ZCCHC14: variants seen among roughly 807,000 people sequenced by gnomAD.
ZCCHC14 encodes the protein zinc finger CCHC domain-containing protein 14.
Under a neutral mutation model 85.0 loss-of-function variants are expected in ZCCHC14, and 16 were observed. That is an observed-to-expected ratio of 0.19 (90% CI 0.13 to 0.29). ZCCHC14 has a LOEUF of 0.29. ZCCHC14 is among the 10% of genes least tolerant of loss of function. The probability of loss-of-function intolerance (pLI) is 1.00; values close to 1 mark genes in which losing one functional copy is unlikely to be tolerated. For synonymous variants in ZCCHC14, 775 were observed against 630.7 expected (o/e 1.23, Z -3.43); for missense variants, 1,303 against 1,443.5 (o/e 0.90, Z 1.58).
chr16:87,417,393 T>C lies in ZCCHC14; in HGVS notation c.1383+67A>G, dbSNP rs8045148. Reference sequence around the variant, plus strand: ...ACCTTGTGTTGGTTTGGAAACTCAATGCCCCCAGGGAGGTCTTGAGTAAAC... The same window carrying C: ...ACCTTGTGTTGGTTTGGAAACTCAACGCCCCCAGGGAGGTCTTGAGTAAAC... On this transcript the variant is annotated intron_variant, in intron 8 of 12. Transcript: ENST00000671377. 27,957 of 1,561,084 alleles carry C rather than the reference T, an allele frequency of 0.018. 3,872 individuals are homozygous for C. The African/African-American group carries it at 0.32, about 18-fold the overall frequency.
At position 87,483,589 on chromosome 16, in the gene ZCCHC14, G is replaced by A. The variant is rs1369639962; in HGVS notation, c.570+8080C>T. Among the ~76,000 whole-genome samples, 4 of 152,194 alleles carry A rather than the reference G, an allele frequency of 2.6e-5. No individual in the cohort carries two copies. In the South Asian group the frequency reaches 6.2e-4, roughly 24 times the overall value. ...CAAATATCAATGAAATCGTTTACTT[G>A]AAACAATATTCAACCTTTATCAACT... is the stretch of plus-strand genomic sequence containing the variant. On this transcript the variant is annotated intron_variant, in intron 1 of 12. Coordinates refer to ENST00000671377, the MANE Select transcript of ZCCHC14 (RefSeq NM_015144.3).
intron 2 of ZCCHC14, among the ~76,000 whole-genome samples, chr16:87,456,640 G>A (rs1910984124): frequency 6.6e-6 from 1 of 150,612 alleles, no homozygotes; most frequent in African/African-American, 2.4e-5. Context: ...TTTGGAGTTT[G>A]GTCTTTAGCT....
chr16:87,426,201 G>A (rs1010512730), intron 3 of ZCCHC14, among the ~76,000 whole-genome samples: 4 of 152,162 alleles, frequency 2.6e-5, no homozygotes, highest in African/African-American at 9.7e-5. Flanking sequence ...TACCTCACCT[G>A]CCGACTTGCC....
chr16:87,427,020 C>T (rs1909406736), intron 3 of ZCCHC14, among the ~76,000 whole-genome samples: 1 of 152,216 alleles, frequency 6.6e-6, no homozygotes, highest in Non-Finnish European at 1.5e-5. Context: ...CTCGCGTGCA[C>T]GCCAGAGGAG....
At chr16:87,419,056 A>G (rs935988708) in intron 6 of ZCCHC14, among the ~76,000 whole-genome samples, 155 bp from the exon 7 acceptor site, 1 of 152,104 alleles carries the variant, frequency 6.6e-6, no homozygotes, top group Admixed American at 6.5e-5. Flanking sequence ...TCCCGGGTTC[A>G]AGTGATTCTC....
Position 87,491,421 on chromosome 16 carries a change from C to T in ZCCHC14, c.570+248G>A, listed in dbSNP as rs534937059. On this transcript the variant is annotated intron_variant, in intron 1 of 12. Transcript: ENST00000671377. The surrounding 1 kb of genome is among the most constrained non-coding windows in gnomAD (Gnocchi z 5.9). ...TACGGCGGAGGCTTGGGATGTACGG[C>T]GGAGGCTTGGGATGTACGGTGGAGG... Among the ~76,000 whole-genome samples the T allele has an allele frequency of 6.8e-6, 1 of 146,280 alleles. No individual in the cohort carries two copies. Among genetic ancestry groups the T allele is most frequent in the African/African-American group, 2.7e-5 (1 of 36,918 alleles).
intron 6 of ZCCHC14, 136 bp from the exon 7 acceptor site, chr16:87,419,037 A>T: frequency 1.4e-6 from 1 of 740,522 alleles, no homozygotes. Context: ...GCTCACTGCA[A>T]CCTCTGCCTC....
At chr16:87,489,120 A>G (rs1335149432) in intron 1 of ZCCHC14, among the ~76,000 whole-genome samples, 5 of 152,260 alleles carry the variant, frequency 3.3e-5, no homozygotes, top group Non-Finnish European at 7.3e-5. Flanking sequence ...TCCAAGCAAT[A>G]AAGGGTTCAT....
Position 87,491,551 on chromosome 16 carries a change from GCT to G in ZCCHC14, c.570+116_570+117del. On this transcript the variant is annotated intron_variant, in intron 1 of 12. Transcript: ENST00000671377. The surrounding 1 kb of genome is among the most constrained non-coding windows in gnomAD (Gnocchi z 5.9). ...GTGCAGGTTGGAGACCTGGGTGGGA[GCT>G]CTCAGTGCAGGCTGGAGGCGTGGGT... is the stretch of plus-strand genomic sequence containing the variant. 1.1e-6 allele frequency: 1 copy of G among 922,842 alleles called. No individual in the cohort carries two copies. Among genetic ancestry groups the G allele is most frequent in the Non-Finnish European group, 1.5e-6 (1 of 686,990 alleles). 57.2% of individuals were successfully genotyped at this position (922,842 alleles called of 1,614,324 possible).
rs1483919452 is a variant in ZCCHC14, at chr16:87,492,263, CCCGGGG to C, written c.-31_-26del. ...TGCTGCCGCCCGCGCCGCGCCGCGA[CCCGGGG>C]CCGGGGACCGCGCGGGGGCGGCCGG... On this transcript the variant is annotated 5_prime_UTR_variant, in exon 1 of 13. Transcript: ENST00000671377. This position sits in a 1 kb window ranked among gnomAD's most constrained non-coding sequence, Gnocchi z 6.7. 5 of 979,182 alleles carry C rather than the reference CCCGGGG, an allele frequency of 5.1e-6. No homozygotes were observed. The highest frequency in any genetic ancestry group is 6.0e-6 in the Non-Finnish European group (5 of 827,826). 60.7% of individuals were successfully genotyped at this position (979,182 alleles called of 1,614,324 possible). A position where few individuals can be genotyped will look rare whatever the true frequency, so the allele number is the denominator to read the frequency against.
intron 2 of ZCCHC14, among the ~76,000 whole-genome samples, chr16:87,456,533 C>CAAAAAAAAAAAAAAAAAA: frequency 1.6e-5 from 1 of 63,374 alleles, no homozygotes; most frequent in Non-Finnish European, 3.0e-5. Context: ...ACTCTGTCTC[C>CAAAAAAAAAAAAAAAAAA]AAAAAAAAAA....
chr16:87,467,285 G>A lies in ZCCHC14; in HGVS notation c.571-7154C>T. 3.2e-6 allele frequency: 5 copies of A among 1,578,594 alleles called. No individual in the cohort carries two copies. The South Asian group carries it at 4.4e-5, about 14-fold the overall frequency. On this transcript the variant is annotated intron_variant, in intron 1 of 12. Transcript: ENST00000671377. ...CAAAATTAAGGATAATGGAGATCTG[G>A]TTTTTATCAAGCCTCAATAATGTAA...
intron 4 of ZCCHC14, among the ~76,000 whole-genome samples, chr16:87,421,786 C>T (rs1011037957): frequency 6.6e-6 from 1 of 152,190 alleles, no homozygotes; most frequent in African/African-American, 2.4e-5. Context: ...GTGCCAGCTT[C>T]ATCCTGCCCA....
chr16:87,444,152 C>A (rs1910323592), intron 2 of ZCCHC14, among the ~76,000 whole-genome samples: 1 of 152,010 alleles, frequency 6.6e-6, no homozygotes, highest in Non-Finnish European at 1.5e-5. Context: ...CAGCAGGGCA[C>A]ACACAGCATC....
In ZCCHC14 at chr16:87,434,488, C is replaced by T. The variant is rs548386058; in HGVS notation, c.695-1287G>A. ...GCTGGGTCTGGAGGCCACCTGGCCGCGTGCGACGGGGATGTCTGCTAATTT... is the reference window on the plus strand; with the variant it reads ...GCTGGGTCTGGAGGCCACCTGGCCGTGTGCGACGGGGATGTCTGCTAATTT... On this transcript the variant is annotated intron_variant, in intron 2 of 12. Coordinates refer to ENST00000671377, the MANE Select transcript of ZCCHC14 (RefSeq NM_015144.3). Among the ~76,000 whole-genome samples, 5 of 152,358 alleles carry T rather than the reference C, an allele frequency of 3.3e-5. No homozygotes were observed. In the East Asian group the frequency reaches 5.8e-4, roughly 18 times the overall value.
intron 7 of ZCCHC14, 107 bp from the exon 8 acceptor site, chr16:87,417,849 G>A: frequency 7.3e-7 from 1 of 1,371,800 alleles, no homozygotes; most frequent in South Asian, 1.5e-5. Flanking sequence ...TCTGCCTCTT[G>A]GCCGGCCCTG....
chr16:87,419,598 G>T (rs1908983593), intron 6 of ZCCHC14, among the ~76,000 whole-genome samples, 185 bp downstream of exon 6: 1 of 152,166 alleles, frequency 6.6e-6, no homozygotes, highest in African/African-American at 2.4e-5. Flanking sequence ...ACTGCGCCCA[G>T]CCTAATTTTG....
chr16:87,425,410 C>G (rs1909318179), intron 3 of ZCCHC14, among the ~76,000 whole-genome samples: 1 of 152,018 alleles, frequency 6.6e-6, no homozygotes, highest in Non-Finnish European at 1.5e-5. Flanking sequence ...AACCCCGTCT[C>G]TACTAAAAAT....
chr16:87,484,915 G>A (rs1912444608), intron 1 of ZCCHC14, among the ~76,000 whole-genome samples: 1 of 152,212 alleles, frequency 6.6e-6, no homozygotes. Flanking sequence ...TTCAAACGCT[G>A]ACCTACAAGT....
Sources: allele counts gnomAD v4.1 joint callset (sites outside exome capture counted in the v4.1 genomes callset), GRCh38; gene constraint gnomAD v4.1.1; non-coding constraint Gnocchi (gnomAD v3.1); transcripts MANE v1.5; gene names NCBI Gene and HGNC (gene_info 2026-07-23, HGNC 2026-07-21).